The following LRRC7 variants were observed in gnomAD, a reference collection of about 807,000 sequenced individuals.
LRRC7 encodes the protein leucine-rich repeat-containing protein 7.
In LRRC7, 23 loss-of-function variants were observed where a neutral mutation model predicts 175.7. The ratio of observed to expected loss-of-function variants is 0.13; its 90% CI spans 0.09 to 0.19. LRRC7 has a LOEUF of 0.19. LRRC7 is among the 10% of genes least tolerant of loss of function. The pLI is 1.00. For synonymous variants in LRRC7, 685 were observed against 680.9 expected (o/e 1.01, Z -0.09); for missense variants, 1,354 against 1,904.7 (o/e 0.71, Z 5.38).
At chr1:69,611,167 T>C (rs189546683) in intron 1 of LRRC7, among the ~76,000 whole-genome samples, 1 of 152,144 alleles carries the variant, frequency 6.6e-6, no homozygotes, top group Admixed American at 6.6e-5. Flanking sequence ...TATCAAAAGC[T>C]AAGTTAAAGT....
intron 7 of LRRC7, among the ~76,000 whole-genome samples, chr1:69,926,475 T>G (rs1424717835): frequency 7.1e-6 from 1 of 140,330 alleles, no homozygotes. Flanking sequence ...GGACTTGCTT[T>G]ATGAGTCTGG....
At chr1:69,864,987 A>T (rs1684753080) in intron 7 of LRRC7, among the ~76,000 whole-genome samples, 1 of 152,188 alleles carries the variant, frequency 6.6e-6, no homozygotes, top group Admixed American at 6.5e-5. Flanking sequence ...AAAAAATCTC[A>T]GCATCTGTTT....
intron 7 of LRRC7, among the ~76,000 whole-genome samples, chr1:69,849,304 G>A (rs1351785583): frequency 6.6e-6 from 1 of 151,918 alleles, no homozygotes; most frequent in East Asian, 1.9e-4. Context: ...ATGTTCAGTG[G>A]CACTGTAGAT....
intron 25 of LRRC7, among the ~76,000 whole-genome samples, chr1:70,100,416 A>G (rs1209361136): frequency 1.3e-5 from 2 of 152,186 alleles, no homozygotes; most frequent in East Asian, 3.9e-4. Context: ...AGACCAAACA[A>G]TGTGTATTTA....
chr1:70,011,974 T>G (rs769858299), intron 12 of LRRC7, 48 bp downstream of exon 12: 10 of 1,429,396 alleles, frequency 7.0e-6, no homozygotes, highest in Admixed American at 3.5e-5. Flanking sequence ...ATTAATCTGT[T>G]TTGGAGTAAA....
At chr1:69,908,059 G>A (rs192074789) in intron 7 of LRRC7, among the ~76,000 whole-genome samples, 2 of 152,170 alleles carry the variant, frequency 1.3e-5, no homozygotes, top group Non-Finnish European at 2.9e-5. Context: ...GGAGGTGTTT[G>A]TAGTATTCTC....
At chr1:69,915,246 G>A (rs1310016897) in intron 7 of LRRC7, among the ~76,000 whole-genome samples, 3 of 152,192 alleles carry the variant, frequency 2.0e-5, no homozygotes, top group Admixed American at 6.5e-5. Context: ...AGAGCCTGAA[G>A]TGAATATTGG....
chr1:69,698,854 G>C (rs772739106), intron 2 of LRRC7, among the ~76,000 whole-genome samples: 5 of 152,100 alleles, frequency 3.3e-5, no homozygotes, highest in Non-Finnish European at 7.4e-5. Context: ...CAAATTATTG[G>C]TCAATGCTTT....
chr1:69,658,694 A>C (rs1034414944), intron 1 of LRRC7, among the ~76,000 whole-genome samples: 10 of 152,054 alleles, frequency 6.6e-5, no homozygotes, highest in Non-Finnish European at 1.3e-4. Flanking sequence ...GAAACAAGAA[A>C]CCATAAAAGG....
chr1:70,033,660 G>C (rs1238099462), intron 18 of LRRC7, among the ~76,000 whole-genome samples: 1 of 152,114 alleles, frequency 6.6e-6, no homozygotes, highest in Non-Finnish European at 1.5e-5. Flanking sequence ...ACTTGAACCT[G>C]AGTCAAACCA....
At chr1:69,707,613 A>C (rs1664208291) in intron 2 of LRRC7, among the ~76,000 whole-genome samples, 2 of 152,192 alleles carry the variant, frequency 1.3e-5, no homozygotes. Context: ...TAATCACCTA[A>C]GATAATATCT....
chr1:69,871,347 A>G (rs888254084), intron 7 of LRRC7, among the ~76,000 whole-genome samples: 2 of 152,154 alleles, frequency 1.3e-5, no homozygotes, highest in South Asian at 4.1e-4. Context: ...TATATGCCCT[A>G]TGAGAAGATC....
intron 2 of LRRC7, among the ~76,000 whole-genome samples, chr1:69,750,150 G>C (rs566990874): frequency 6.6e-6 from 1 of 151,902 alleles, no homozygotes; most frequent in Non-Finnish European, 1.5e-5. Context: ...AAAGAATCTT[G>C]TAGAGCACCC....
chr1:69,843,571 A>G (rs1681983865), intron 7 of LRRC7, among the ~76,000 whole-genome samples: 1 of 152,092 alleles, frequency 6.6e-6, no homozygotes, highest in Admixed American at 6.6e-5. Flanking sequence ...TCCCTTGGGC[A>G]TCATTGCTTT....
chr1:70,059,198 C>T (rs1177091646), intron 23 of LRRC7, among the ~76,000 whole-genome samples: 1 of 152,116 alleles, frequency 6.6e-6, no homozygotes, highest in African/African-American at 2.4e-5. Flanking sequence ...GTGTCTGTTC[C>T]CTCCCTGAGT....
chr1:69,678,229 C>T (rs1033656188), intron 1 of LRRC7, among the ~76,000 whole-genome samples, 152 bp from the exon 2 acceptor site: 2 of 152,000 alleles, frequency 1.3e-5, no homozygotes, highest in Non-Finnish European at 2.9e-5. Flanking sequence ...ACTATGGTCC[C>T]CGATGCTCCC....
chr1:69,756,564 T>C (rs1205395201), intron 2 of LRRC7, among the ~76,000 whole-genome samples: 4 of 151,776 alleles, frequency 2.6e-5, no homozygotes, highest in Non-Finnish European at 5.9e-5. Flanking sequence ...AGAATGGAAC[T>C]GAGTTTCCCT....
At chr1:69,907,999 T>A (rs1646381043) in intron 7 of LRRC7, among the ~76,000 whole-genome samples, 1 of 152,204 alleles carries the variant, frequency 6.6e-6, no homozygotes, top group African/African-American at 2.4e-5. Flanking sequence ...GGAGGGTGTA[T>A]GTGTCGAGGA....
Position 69,568,285 on chromosome 1 carries a change from G to A in LRRC7, c.-355G>A. The stretch of plus-strand genomic sequence containing the variant: ...AGGGAGCTGCGCCTCCGCCACCGCC[G>A]CCGCCGCCGCCGCTGCTGCTGCGGT... On this transcript the variant is annotated 5_prime_UTR_variant, in exon 1 of 27. Transcript: ENST00000651989. The A allele has an allele frequency of 2.0e-5, 4 of 203,978 alleles. No individual in the cohort carries two copies. The highest frequency in any genetic ancestry group is 1.7e-4 in the East Asian group (1 of 5,762). 12.6% of individuals were successfully genotyped at this position (203,978 alleles called of 1,614,324 possible).
Sources: gnomAD v4.1 joint callset for allele counts (sites outside exome capture counted in the v4.1 genomes callset) on GRCh38, gnomAD v4.1.1 for gene constraint, MANE v1.5 for transcripts, NCBI Gene and HGNC (gene_info 2026-07-23, HGNC 2026-07-21) for gene names.